SPATS2L: variants seen among roughly 807,000 people sequenced by gnomAD.
SPATS2L encodes SPATS2-like protein.
SPATS2L carries 30 observed loss-of-function variants against 59.6 expected under a neutral mutation model. The ratio of observed to expected loss-of-function variants is 0.50; its 90% CI spans 0.38 to 0.68. SPATS2L has a LOEUF of 0.68. Ranked by LOEUF, SPATS2L falls within the 30% of genes least tolerant of loss-of-function variation. SPATS2L has a pLI of 0.00. For missense variants in SPATS2L, 615 were observed against 700.0 expected (o/e 0.88, Z 1.37); for synonymous variants, 252 against 263.5 (o/e 0.96, Z 0.42).
At chr2:200,399,740 AGAGT>A (rs2082465037) in intron 3 of SPATS2L, among the ~76,000 whole-genome samples, 1 of 152,218 alleles carries the variant, frequency 6.6e-6, no homozygotes, top group African/African-American at 2.4e-5. Context: ...TCAAAGAGAG[AGAGT>A]GTGCTTCTAG....
intron 1 of SPATS2L, among the ~76,000 whole-genome samples, chr2:200,319,939 A>C (rs927210460): frequency 2.0e-5 from 3 of 152,120 alleles, no homozygotes; most frequent in Non-Finnish European, 4.4e-5. Flanking sequence ...TTGAATTCTA[A>C]AATTTTTAAA....
At position 200,428,085 on chromosome 2, in the gene SPATS2L, G is replaced by A. The variant is rs558163955; in HGVS notation, c.445+8589G>A. Among the ~76,000 whole-genome samples, 940 of 150,296 alleles carry A rather than the reference G, an allele frequency of 6.3e-3. 6 individuals are homozygous for A. Among genetic ancestry groups the A allele is most frequent in the Non-Finnish European group, 8.3e-3 (563 of 67,712 alleles). On this transcript the variant is annotated intron_variant, in intron 6 of 12. Coordinates refer to ENST00000409140, the MANE Select transcript of SPATS2L (RefSeq NM_001100423.2). ...CGTGTCTCAAAAACAAAAAAAAAAA[G>A]GAGTTTTCTTGAGGCTTCATCACTA...
In SPATS2L at chr2:200,341,691, AT is replaced by A. The variant is rs56132248; in HGVS notation, c.-23+12228del. 1.6e-3 allele frequency among the ~76,000 whole-genome samples: 229 copies of A among 140,990 alleles called. 1 individual carries two copies. The highest frequency in any genetic ancestry group is 4.8e-3 in the South Asian group (21 of 4,370). 92.5% of individuals were successfully genotyped at this position (140,990 alleles called of 152,430 possible). ...TAGAGGACAGGCAAAATTAACTATA[AT>A]TTTTTTTTTTTTTTTTAGACAGAGT... On this transcript the variant is annotated intron_variant, in intron 2 of 12. Transcript: ENST00000409140.
chr2:200,332,772 CTGTGTGTGTGTGTG>C (rs144988506), intron 2 of SPATS2L, among the ~76,000 whole-genome samples: 1 of 143,268 alleles, frequency 7.0e-6, no homozygotes, highest in South Asian at 2.3e-4. Context: ...AGTTAGCTGC[CTGTGTGTGTGTGTG>C]TGTGTGTGTA....
intron 12 of SPATS2L, 71 bp downstream of exon 12, chr2:200,473,123 C>A: frequency 7.1e-7 from 1 of 1,410,204 alleles, no homozygotes; most frequent in Non-Finnish European, 9.6e-7. Context: ...AAGAAAACAG[C>A]AACTACTAGA....
At chr2:200,455,179 T>C (rs1455712464) in intron 8 of SPATS2L, among the ~76,000 whole-genome samples, 2 of 152,224 alleles carry the variant, frequency 1.3e-5, no homozygotes, top group African/African-American at 4.8e-5. Flanking sequence ...GAAAAATGAA[T>C]ATGTTGTCTT....
At chr2:200,327,726 C>T (rs1050603794) in intron 1 of SPATS2L, among the ~76,000 whole-genome samples, 2 of 152,200 alleles carry the variant, frequency 1.3e-5, no homozygotes, top group African/African-American at 4.8e-5. Context: ...GGAAGTATTA[C>T]ACTCACTAAA....
At chr2:200,396,033 A>AAATAT (rs1553520464) in intron 3 of SPATS2L, among the ~76,000 whole-genome samples, 108 of 21,082 alleles carry the variant, frequency 5.1e-3, no homozygotes, top group Non-Finnish European at 7.1e-3. Flanking sequence ...AAAAAAAAAA[A>AAATAT]ATATATATAT....
At chr2:200,423,625 A>T (rs981303610) in intron 6 of SPATS2L, among the ~76,000 whole-genome samples, 3 of 152,208 alleles carry the variant, frequency 2.0e-5, no homozygotes, top group African/African-American at 7.2e-5. Context: ...TGTAATTGAA[A>T]AATTAGAAAA....
At chr2:200,318,739 A>T (rs1160010106) in intron 1 of SPATS2L, among the ~76,000 whole-genome samples, 1 of 152,206 alleles carries the variant, frequency 6.6e-6, no homozygotes, top group African/African-American at 2.4e-5. Flanking sequence ...AAACTCAGTG[A>T]TAAGAAATTA....
At chr2:200,366,373 G>C (rs1422841272) in intron 2 of SPATS2L, among the ~76,000 whole-genome samples, 1 of 152,118 alleles carries the variant, frequency 6.6e-6, no homozygotes, top group Non-Finnish European at 1.5e-5. Context: ...ACACTCAAAA[G>C]GAGGCTTTTG....
In SPATS2L at chr2:200,346,231, G is replaced by T. The variant is rs540255707; in HGVS notation, c.-23+16751G>T. Among the ~76,000 whole-genome samples the T allele has an allele frequency of 7.2e-5, 11 of 152,324 alleles. No homozygotes were observed. In the South Asian group the frequency reaches 2.3e-3, roughly 32 times the overall value. ...TTCCTAATTCCATGACTTCTGAGTG[G>T]TTGTTAGTGGAAAGAGTATTATAGC... On this transcript the variant is annotated intron_variant, in intron 2 of 12. Transcript: ENST00000409140.
chr2:200,314,033 G>A (rs552684276), intron 1 of SPATS2L, among the ~76,000 whole-genome samples: 30 of 152,140 alleles, frequency 2.0e-4, no homozygotes, highest in Non-Finnish European at 4.1e-4. Flanking sequence ...CATTCTGCAC[G>A]TTTGCCCTGT....
chr2:200,349,424 T>G (rs1574463029), intron 2 of SPATS2L, among the ~76,000 whole-genome samples: 1 of 152,158 alleles, frequency 6.6e-6, no homozygotes, highest in Non-Finnish European at 1.5e-5. Flanking sequence ...TCGTTTGAGG[T>G]CAAGAATTTG....
intron 2 of SPATS2L, among the ~76,000 whole-genome samples, chr2:200,363,029 CT>C (rs1394589640): frequency 6.6e-6 from 1 of 152,158 alleles, no homozygotes; most frequent in Non-Finnish European, 1.5e-5. Context: ...TGCATGATCA[CT>C]GTGATTTTAG....
chr2:200,419,843 TG>T, intron 6 of SPATS2L, among the ~76,000 whole-genome samples: 1 of 151,916 alleles, frequency 6.6e-6, no homozygotes, highest in South Asian at 2.1e-4. Context: ...CCCAAAGTGC[TG>T]GGATTACAGA....
chr2:200,454,930 TAGCATTTCAG>T (rs1415897773), intron 8 of SPATS2L, among the ~76,000 whole-genome samples: 2 of 152,182 alleles, frequency 1.3e-5, no homozygotes, highest in Non-Finnish European at 2.9e-5. Flanking sequence ...ATTCAGAACT[TAGCATTTCAG>T]ATGATCAGTG....
chr2:200,324,577 A>G (rs1326029982), intron 1 of SPATS2L, among the ~76,000 whole-genome samples: 1 of 152,202 alleles, frequency 6.6e-6, no homozygotes. Flanking sequence ...GAGAGGAACA[A>G]AGGGAAATCA....
At chr2:200,346,019 T>C (rs2080500100) in intron 2 of SPATS2L, among the ~76,000 whole-genome samples, 1 of 152,226 alleles carries the variant, frequency 6.6e-6, no homozygotes, top group Non-Finnish European at 1.5e-5. Context: ...AGGAGACCTC[T>C]GTCTGTCTAC....
Sources: gnomAD v4.1 joint callset for allele counts (sites outside exome capture counted in the v4.1 genomes callset) on GRCh38, gnomAD v4.1.1 for gene constraint, MANE v1.5 for transcripts, NCBI Gene and HGNC (gene_info 2026-07-23, HGNC 2026-07-21) for gene names.